Variants in PTPRB observed in about 807,000 individuals in gnomAD.
The protein encoded by PTPRB is receptor-type tyrosine-protein phosphatase beta.
PTPRB carries 97 observed loss-of-function variants against 238.1 expected under a neutral mutation model. The observed-to-expected ratio is 0.41, with a 90% confidence interval of 0.35 to 0.48. The LOEUF is 0.48. PTPRB is among the 20% of genes least tolerant of loss of function. The pLI is 0.30. For missense variants in PTPRB, 2,292 were observed against 2,681.9 expected (o/e 0.85, Z 3.21); for synonymous variants, 970 against 995.4 (o/e 0.97, Z 0.48).
rs371580204 is a variant in PTPRB, at chr12:70,555,824, C to T, written c.4993+46G>A. 5.6e-6 allele frequency: 9 copies of T among 1,596,666 alleles called. No homozygotes were observed. The African/African-American group carries it at 9.4e-5, about 17-fold the overall frequency. ...GATAGAGAAAGGTGCACAGCCCCTTCACTCCAGTGACAGGAGGCTCTGTGC... is the reference window on the plus strand; with the variant it reads ...GATAGAGAAAGGTGCACAGCCCCTTTACTCCAGTGACAGGAGGCTCTGTGC... On this transcript the variant is annotated intron_variant, in intron 19 of 33. Transcript: ENST00000334414.
intron 2 of PTPRB, among the ~76,000 whole-genome samples, chr12:70,627,942 CTT>C (rs1328121386): frequency 2.6e-5 from 4 of 152,258 alleles, no homozygotes; most frequent in Non-Finnish European, 1.5e-5. Flanking sequence ...TCTACGAAAA[CTT>C]TTTTCCCAAG....
At chr12:70,571,772 T>C in intron 12 of PTPRB, 52 bp downstream of exon 12, 1 of 1,564,532 alleles carries the variant, frequency 6.4e-7, no homozygotes, top group Non-Finnish European at 8.7e-7. Flanking sequence ...GATAAATTAC[T>C]AGAGACTTTC....
Position 70,606,590 on chromosome 12 carries a change from T to A in PTPRB, c.979+2479A>T, listed in dbSNP as rs1438932910. 5.3e-5 allele frequency among the ~76,000 whole-genome samples: 8 copies of A among 152,370 alleles called. No individual in the cohort carries two copies. The East Asian group carries it at 1.3e-3, about 26-fold the overall frequency. ...ATAGAATAAAGAAAGCACAGATATT[T>A]TCAATTACTTTTTTGTTTGAAGTTT... On this transcript the variant is annotated intron_variant, in intron 4 of 33. Transcript: ENST00000334414.
intron 2 of PTPRB, among the ~76,000 whole-genome samples, chr12:70,630,864 C>T (rs1011158962): frequency 3.3e-5 from 5 of 152,158 alleles, no homozygotes; most frequent in Non-Finnish European, 5.9e-5. Context: ...AGGAATCCAA[C>T]TTACAAGGGA....
chr12:70,569,664 T>C lies in PTPRB; in HGVS notation c.3634+11A>G. 1 of 1,613,404 alleles carries C rather than the reference T, an allele frequency of 6.2e-7. No homozygotes were observed. Among genetic ancestry groups the C allele is most frequent in the East Asian group, 2.2e-5 (1 of 44,864 alleles). ...TTCTACAATCTAGCCCTTCTCCAGG[T>C]GGATGCTTACCTGTCCGCCCAACCA... On this transcript the variant is annotated intron_variant, in intron 14 of 33. Coordinates refer to ENST00000334414, the MANE Select transcript of PTPRB (RefSeq NM_001109754.4).
chr12:70,590,249 A>G lies in PTPRB; in HGVS notation c.1781-16T>C, dbSNP rs753016409. 6.5e-7 allele frequency: 1 copy of G among 1,531,430 alleles called. No individual in the cohort carries two copies. Among genetic ancestry groups the G allele is most frequent in the East Asian group, 2.3e-5 (1 of 43,910 alleles). 94.9% of individuals were successfully genotyped at this position (1,531,430 alleles called of 1,614,324 possible). On this transcript the variant is annotated splice_polypyrimidine_tract_variant and intron_variant, in intron 7 of 33. Transcript: ENST00000334414. ...TTGTCTGGAACTAAACGGTGAAATG[A>G]TGTCAAAAAGGAGATATTACAGACC...
chr12:70,520,262 G>A lies in PTPRB; in HGVS notation c.*1227C>T, dbSNP rs756189494. 1.3e-5 allele frequency: 6 copies of A among 458,258 alleles called. No homozygotes were observed. The Admixed American group carries it at 1.4e-4, about 11-fold the overall frequency. 28.4% of individuals were successfully genotyped at this position (458,258 alleles called of 1,614,324 possible). On this transcript the variant is annotated 3_prime_UTR_variant, in exon 34 of 34. Transcript: ENST00000334414. ...TTCTGACTCATTGGAATTTGTTATA[G>A]TCAAAGTAAGTAAGGCACAAATATT... is the stretch of plus-strand genomic sequence containing the variant.
intron 11 of PTPRB, among the ~76,000 whole-genome samples, chr12:70,573,878 C>T (rs1345712379): frequency 6.6e-6 from 1 of 152,178 alleles, no homozygotes; most frequent in East Asian, 1.9e-4. Flanking sequence ...CTGTGGTCCC[C>T]TCCCCAACCA....
At chr12:70,622,833 A>G (rs1885005061) in intron 2 of PTPRB, among the ~76,000 whole-genome samples, 187 bp from the exon 3 acceptor site, 1 of 152,108 alleles carries the variant, frequency 6.6e-6, no homozygotes, top group African/African-American at 2.4e-5. Context: ...CAATTCACCC[A>G]TCCTTTATCT....
intron 26 of PTPRB, chr12:70,539,370 T>G: frequency 1.8e-6 from 1 of 548,664 alleles, no homozygotes; most frequent in South Asian, 2.6e-5. Flanking sequence ...CATTTGAGAT[T>G]TGTTAATTCT....
At chr12:70,564,670 A>G (rs918835488) in intron 15 of PTPRB, among the ~76,000 whole-genome samples, 47 of 151,916 alleles carry the variant, frequency 3.1e-4, no homozygotes, top group African/African-American at 1.1e-3. Flanking sequence ...TGTGTCTACA[A>G]GAAAATACAA....
intron 32 of PTPRB, chr12:70,525,453 C>G (rs940798478): frequency 6.6e-6 from 1 of 152,254 alleles, no homozygotes; most frequent in Non-Finnish European, 1.5e-5. Context: ...CCTCTGTTCT[C>G]TCAGCATCTG....
intron 21 of PTPRB, among the ~76,000 whole-genome samples, chr12:70,550,491 C>T: frequency 6.6e-6 from 1 of 152,096 alleles, no homozygotes. Flanking sequence ...TTAGAAGGGA[C>T]ATGACTAGGT....
chr12:70,573,437 A>C (rs180909541), intron 11 of PTPRB, among the ~76,000 whole-genome samples: 1 of 151,864 alleles, frequency 6.6e-6, no homozygotes, highest in Non-Finnish European at 1.5e-5. Context: ...AATTATCAAA[A>C]ATTACTAACT....
intron 21 of PTPRB, among the ~76,000 whole-genome samples, chr12:70,551,036 C>G (rs2136293560): frequency 6.6e-6 from 1 of 152,290 alleles, no homozygotes; most frequent in South Asian, 2.1e-4. Flanking sequence ...GCTGGGATTA[C>G]AGGCGTGCAC....
intron 29 of PTPRB, among the ~76,000 whole-genome samples, chr12:70,535,478 G>A (rs561866199): frequency 2.6e-4 from 40 of 152,156 alleles, no homozygotes; most frequent in Non-Finnish European, 4.7e-4. Flanking sequence ...AAGGGGAAGA[G>A]GAATGTAAGC....
intron 3 of PTPRB, among the ~76,000 whole-genome samples, chr12:70,610,268 C>A (rs1024549770): frequency 6.6e-6 from 1 of 152,158 alleles, no homozygotes; most frequent in African/African-American, 2.4e-5. Context: ...GGGTCCGGTC[C>A]GGCTCCGCGG....
intron 27 of PTPRB, 113 bp downstream of exon 27, chr12:70,538,811 G>C: frequency 1.2e-6 from 1 of 830,340 alleles, no homozygotes; most frequent in Non-Finnish European, 2.0e-6. Context: ...TTCAGAGCTT[G>C]AGATTGTCCA....
chr12:70,628,486 G>A (rs1053962237), intron 2 of PTPRB, among the ~76,000 whole-genome samples: 5 of 152,142 alleles, frequency 3.3e-5, no homozygotes, highest in East Asian at 3.9e-4. Context: ...ATGGATTTGC[G>A]TGAATGTTTT....
Sources: allele counts gnomAD v4.1 joint callset (sites outside exome capture counted in the v4.1 genomes callset), GRCh38; gene constraint gnomAD v4.1.1; transcripts MANE v1.5; gene names NCBI Gene and HGNC (gene_info 2026-07-23, HGNC 2026-07-21).